WBP1L: variants seen among roughly 807,000 people sequenced by gnomAD.
The protein encoded by WBP1L is WW domain binding protein 1 like.
A neutral mutation model predicts 33.7 loss-of-function variants in WBP1L; 17 were observed. The observed-to-expected ratio is 0.50, with a 90% confidence interval of 0.34 to 0.76. The LOEUF is 0.76. Among genes scored for constraint, WBP1L ranks in the 30% least tolerant of loss-of-function variants. The pLI is 0.01. For missense variants in WBP1L, 389 were observed against 469.4 expected (o/e 0.83, Z 1.58); for synonymous variants, 173 against 190.8 (o/e 0.91, Z 0.77).
chr10:102,756,991 A>G (rs1238829425), intron 1 of WBP1L, among the ~76,000 whole-genome samples: 3 of 152,000 alleles, frequency 2.0e-5, no homozygotes, highest in Non-Finnish European at 4.4e-5. Context: ...GGGTTTAAAC[A>G]ATTCTCGGGC....
At chr10:102,798,664 C>A (rs561296800) in intron 2 of WBP1L, among the ~76,000 whole-genome samples, 2 of 152,208 alleles carry the variant, frequency 1.3e-5, no homozygotes, top group African/African-American at 4.8e-5. Flanking sequence ...ACCTCGTGAT[C>A]TGCCCGCCTT....
At chr10:102,787,326 G>A (rs762572124) in intron 1 of WBP1L, among the ~76,000 whole-genome samples, 4 of 152,172 alleles carry the variant, frequency 2.6e-5, no homozygotes, top group African/African-American at 9.7e-5. Context: ...AGTGGCTCCC[G>A]ACTGAAATCC....
chr10:102,764,177 G>GGAT (rs1843080176), intron 1 of WBP1L, among the ~76,000 whole-genome samples: 2 of 152,160 alleles, frequency 1.3e-5, no homozygotes, highest in Admixed American at 6.6e-5. Context: ...GCAAGAAGAA[G>GGAT]GATGATGACT....
At chr10:102,744,555 C>T in intron 1 of WBP1L, 1 of 914,594 alleles carries the variant, frequency 1.1e-6, no homozygotes, top group South Asian at 5.0e-5. Context: ...GGAGGGGATC[C>T]TGAGGATATT....
At position 102,813,081 on chromosome 10, in the gene WBP1L, G is replaced by A. The variant is rs1843870795; in HGVS notation, c.842G>A (p.Gly281Asp). The change falls in exon 4 of 4, where the codon GGC becomes GAC. Residue 281 changes from glycine to aspartate, a missense_variant. Transcript: ENST00000448841. ...ATTGAAGTGTGTGTGTGCAACCGGG[G>A]CCACCATGACGATGACCTCAAAGAG... ...SGIEVCVCNR[G>D]HHDDDLKEFN... The A allele has an allele frequency of 6.2e-7, 1 of 1,613,858 alleles. No homozygotes were observed. Among genetic ancestry groups the A allele is most frequent in the Non-Finnish European group, 8.5e-7 (1 of 1,180,032 alleles).
At chr10:102,784,863 CTTTTTTTT>C (rs1270188776) in intron 1 of WBP1L, among the ~76,000 whole-genome samples, 1 of 61,114 alleles carries the variant, frequency 1.6e-5, no homozygotes, top group African/African-American at 4.2e-5. Flanking sequence ...ACCCAGCCCA[CTTTTTTTT>C]CTTTTTTTTT....
intron 1 of WBP1L, chr10:102,776,346 A>G: frequency 6.2e-7 from 1 of 1,613,998 alleles, no homozygotes; most frequent in African/African-American, 1.3e-5. Flanking sequence ...CTTAACTTTT[A>G]AGAGCCCTTT....
intron 1 of WBP1L, among the ~76,000 whole-genome samples, chr10:102,758,693 A>G (rs1843005233): frequency 6.6e-6 from 1 of 152,192 alleles, no homozygotes; most frequent in African/African-American, 2.4e-5. Flanking sequence ...GGGGACCACT[A>G]CCATCAAGAT....
chr10:102,746,371 A>G (rs919519194), intron 1 of WBP1L, among the ~76,000 whole-genome samples: 1 of 152,090 alleles, frequency 6.6e-6, no homozygotes, highest in Admixed American at 6.5e-5. Flanking sequence ...CAGAGAAGGG[A>G]AAGTTTTCGT....
At chr10:102,760,108 A>C (rs1843018735) in intron 1 of WBP1L, among the ~76,000 whole-genome samples, 1 of 152,146 alleles carries the variant, frequency 6.6e-6, no homozygotes, top group South Asian at 2.1e-4. Flanking sequence ...AATGACTAGT[A>C]ATATCAAATA....
chr10:102,798,243 C>T (rs899509048), intron 2 of WBP1L, 148 bp downstream of exon 2: 3 of 643,460 alleles, frequency 4.7e-6, no homozygotes, highest in Non-Finnish European at 8.1e-6. Context: ...AGAAGTGCTT[C>T]CTTTGTAGAG....
intron 1 of WBP1L, chr10:102,775,997 A>G: frequency 1.5e-6 from 1 of 665,636 alleles, no homozygotes; most frequent in Non-Finnish European, 1.9e-6. Context: ...ATCCTCCCAC[A>G]GTGGGCTCTG....
chr10:102,749,481 A>AT (rs984434577), intron 1 of WBP1L, among the ~76,000 whole-genome samples: 1 of 150,398 alleles, frequency 6.6e-6, no homozygotes, highest in African/African-American at 2.4e-5. Flanking sequence ...AATAAAAAAA[A>AT]TTTTTTTTTA....
At chr10:102,779,890 T>C (rs112050142) in intron 1 of WBP1L, among the ~76,000 whole-genome samples, 48 of 152,340 alleles carry the variant, frequency 3.2e-4, no homozygotes, top group African/African-American at 1.1e-3. Flanking sequence ...GGAGGAGAGT[T>C]TACCAGACAT....
intron 2 of WBP1L, among the ~76,000 whole-genome samples, chr10:102,799,939 G>C (rs536464573): frequency 6.6e-6 from 1 of 152,296 alleles, no homozygotes; most frequent in Non-Finnish European, 1.5e-5. Flanking sequence ...TTTCCCTTTT[G>C]AGGACTGAGG....
intron 2 of WBP1L, among the ~76,000 whole-genome samples, chr10:102,802,360 T>A (rs1486788219): frequency 6.6e-6 from 1 of 151,206 alleles, no homozygotes; most frequent in Non-Finnish European, 1.5e-5. Context: ...CCAAGCTTCG[T>A]TTTTTACCTG....
chr10:102,759,001 G>A (rs1307949257), intron 1 of WBP1L, among the ~76,000 whole-genome samples: 1 of 152,180 alleles, frequency 6.6e-6, no homozygotes, highest in Non-Finnish European at 1.5e-5. Context: ...TACGGGAGGA[G>A]CATGAAAGTG....
chr10:102,813,208 C>T lies in WBP1L; in HGVS notation c.969C>T (p.Ser323=), dbSNP rs770640716. The T allele has an allele frequency of 1.2e-6, 2 of 1,613,458 alleles. No homozygotes were observed. Among genetic ancestry groups the T allele is most frequent in the Non-Finnish European group, 1.7e-6 (2 of 1,179,992 alleles). Residue 323 remains serine (S), a synonymous_variant, in exon 4 of 4, where the codon TCC becomes TCT. Coordinates refer to ENST00000448841, the MANE Select transcript of WBP1L (RefSeq NM_001083913.2). ...PGDEEEGLCQ[S]SEEQAREPGH... ...ATGAGGAGGAAGGCCTCTGTCAGTC[C>T]TCTGAGGAGCAGGCTCGAGAGCCTG...
intron 1 of WBP1L, among the ~76,000 whole-genome samples, chr10:102,785,182 CTTT>C (rs35342758): frequency 2.4e-5 from 3 of 124,982 alleles, no homozygotes; most frequent in East Asian, 2.3e-4. Flanking sequence ...CACCAGCCCA[CTTT>C]TTTTTTTTTT....
Sources: gnomAD v4.1 joint callset for allele counts (sites outside exome capture counted in the v4.1 genomes callset) on GRCh38, gnomAD v4.1.1 for gene constraint, MANE v1.5 for transcripts, NCBI Gene and HGNC (gene_info 2026-07-23, HGNC 2026-07-21) for gene names.